CTNND2: variants seen among roughly 807,000 people sequenced by gnomAD.
CTNND2 encodes catenin delta 2.
CTNND2 carries 22 observed loss-of-function variants against 144.4 expected under a neutral mutation model. That is an observed-to-expected ratio of 0.15 (90% CI 0.11 to 0.22). CTNND2 has a LOEUF of 0.22. Ranked by LOEUF, CTNND2 falls within the 10% of genes least tolerant of loss-of-function variation. CTNND2 has a pLI of 1.00. For missense variants in CTNND2, 1,353 were observed against 1,618.8 expected (o/e 0.84, Z 2.82); for synonymous variants, 751 against 695.6 (o/e 1.08, Z -1.25).
chr5:11,636,273 G>T (rs562929101), intron 2 of CTNND2, among the ~76,000 whole-genome samples: 2 of 151,990 alleles, frequency 1.3e-5, no homozygotes, highest in African/African-American at 4.8e-5. Context: ...ACCTCTGCCC[G>T]CTCCAGAATC....
chr5:11,603,493 AC>A (rs1779905838), intron 2 of CTNND2, among the ~76,000 whole-genome samples: 1 of 152,250 alleles, frequency 6.6e-6, no homozygotes, highest in Non-Finnish European at 1.5e-5. Flanking sequence ...ATCCAAGATT[AC>A]CCTGCCACAT....
At chr5:11,476,784 C>G (rs1254180948) in intron 3 of CTNND2, among the ~76,000 whole-genome samples, 1 of 152,196 alleles carries the variant, frequency 6.6e-6, no homozygotes, top group Non-Finnish European at 1.5e-5. Flanking sequence ...TTTTAACACT[C>G]CTTACAAAAA....
intron 12 of CTNND2, among the ~76,000 whole-genome samples, chr5:11,142,043 C>T (rs932007080): frequency 2.0e-5 from 3 of 152,106 alleles, no homozygotes; most frequent in Non-Finnish European, 4.4e-5. Flanking sequence ...AACCATGATG[C>T]AGCAAGAAGG....
At chr5:11,265,698 A>ATTTTTTT (rs5865929) in intron 9 of CTNND2, among the ~76,000 whole-genome samples, 74 of 77,416 alleles carry the variant, frequency 9.6e-4, no homozygotes, top group Non-Finnish European at 1.3e-3. Flanking sequence ...TGTATTCTCT[A>ATTTTTTT]TTTTTTTTTT....
chr5:11,673,294 C>T (rs1192742714), intron 2 of CTNND2, among the ~76,000 whole-genome samples: 1 of 152,166 alleles, frequency 6.6e-6, no homozygotes, highest in African/African-American at 2.4e-5. Context: ...TAGATTTTCA[C>T]TTCCTATAGT....
rs1468339436 is a variant in CTNND2, at chr5:11,082,741, C to T, written c.2743G>A (p.Ala915Thr). 2 of 1,614,204 alleles carry T rather than the reference C, an allele frequency of 1.2e-6. No homozygotes were observed. Among genetic ancestry groups the T allele is most frequent in the South Asian group, 2.2e-5 (2 of 91,084 alleles). ...ACGTCCAAGGCCATGTTCCGCAGCGCAGTGGCCACCGCGCACACCACACGG... is the reference window on the plus strand; with the variant it reads ...ACGTCCAAGGCCATGTTCCGCAGCGTAGTGGCCACCGCGCACACCACACGG... ...NDRVVCAVAT[A>T]LRNMALDVRN... The change falls in exon 16 of 22, where the codon GCG (alanine) becomes ACG (threonine). Residue 915 changes from alanine to threonine, a missense_variant. Coordinates refer to ENST00000304623, the MANE Select transcript of CTNND2 (RefSeq NM_001332.4).
chr5:11,460,871 G>A lies in CTNND2; in HGVS notation c.288-48802C>T, dbSNP rs1386019938. On this transcript the variant is annotated intron_variant, in intron 3 of 21. Coordinates refer to ENST00000304623, the MANE Select transcript of CTNND2 (RefSeq NM_001332.4). ...TCAAGACCATACTGACCAACATGGC[G>A]AAACCAGTCTCTACTAAAAATACAA... 4.6e-5 allele frequency among the ~76,000 whole-genome samples: 7 copies of A among 152,014 alleles called. No homozygotes were observed. The South Asian group carries it at 6.2e-4, about 14-fold the overall frequency.
At chr5:11,111,377 C>T (rs1280173404) in intron 13 of CTNND2, among the ~76,000 whole-genome samples, 1 of 152,188 alleles carries the variant, frequency 6.6e-6, no homozygotes, top group African/African-American at 2.4e-5. Flanking sequence ...GACAGCGCCC[C>T]ACCTCTGACT....
At chr5:10,990,471 C>G (rs1318179800) in intron 19 of CTNND2, among the ~76,000 whole-genome samples, 2 of 152,198 alleles carry the variant, frequency 1.3e-5, no homozygotes, top group Non-Finnish European at 2.9e-5. Context: ...CTTTGGTTCA[C>G]CATCTTTCTC....
intron 10 of CTNND2, among the ~76,000 whole-genome samples, chr5:11,203,311 C>A (rs1298887670): frequency 1.3e-5 from 2 of 152,150 alleles, no homozygotes; most frequent in Non-Finnish European, 2.9e-5. Context: ...CCAATTTATC[C>A]CCCTAGTCGA....
At position 11,235,787 on chromosome 5, in the gene CTNND2, A is replaced by G. The variant is rs191675215; in HGVS notation, c.1761+904T>C. ...ATGTTCTTTGCAGTCCCAGGGGAAG[A>G]GAGATGGAAAAAATAAAAAGCCATG... is the stretch of plus-strand genomic sequence containing the variant. On this transcript the variant is annotated intron_variant, in intron 10 of 21. Coordinates refer to ENST00000304623, the MANE Select transcript of CTNND2 (RefSeq NM_001332.4). Among the ~76,000 whole-genome samples the G allele has an allele frequency of 4.4e-3, 670 of 152,358 alleles. 4 individuals are homozygous for G. Among genetic ancestry groups the G allele is most frequent in the African/African-American group, 0.015 (642 of 41,582 alleles).
chr5:11,249,362 A>G (rs1478475816), intron 9 of CTNND2, among the ~76,000 whole-genome samples: 1 of 152,202 alleles, frequency 6.6e-6, no homozygotes, highest in Admixed American at 6.5e-5. Flanking sequence ...ACATATCAGT[A>G]AGAGGGCGTT....
rs77265620 is a variant in CTNND2 at position 11,353,086 on chromosome 5, C to T, written c.1373-6459G>A. ...TCTTTTTTTTTTTTTTTTTTTTAAC[C>T]ATTCCAAGCACGTTTTCAGCCATCA... On this transcript the variant is annotated intron_variant, in intron 8 of 21. Transcript: ENST00000304623. 1.6e-3 allele frequency among the ~76,000 whole-genome samples: 227 copies of T among 140,786 alleles called. 10 individuals are homozygous for T. The East Asian group carries it at 0.044, about 27-fold the overall frequency. 92.4% of individuals were successfully genotyped at this position (140,786 alleles called of 152,430 possible).
chr5:11,438,348 C>G (rs1763953772), intron 3 of CTNND2, among the ~76,000 whole-genome samples: 1 of 152,126 alleles, frequency 6.6e-6, no homozygotes, highest in Non-Finnish European at 1.5e-5. Context: ...TCAATGTCAA[C>G]AATACAAGCA....
chr5:11,429,793 T>A (rs1763111738), intron 3 of CTNND2, among the ~76,000 whole-genome samples: 1 of 152,036 alleles, frequency 6.6e-6, no homozygotes, highest in East Asian at 1.9e-4. Flanking sequence ...GCAAGCGGGT[T>A]CTCGCACCCC....
At chr5:11,058,295 C>A (rs1317525783) in intron 16 of CTNND2, among the ~76,000 whole-genome samples, 1 of 152,206 alleles carries the variant, frequency 6.6e-6, no homozygotes, top group Non-Finnish European at 1.5e-5. Context: ...ATTTCCTGGG[C>A]TGGGTCCAGG....
chr5:10,978,085 G>C (rs1736728999), intron 21 of CTNND2, among the ~76,000 whole-genome samples: 1 of 152,210 alleles, frequency 6.6e-6, no homozygotes, highest in African/African-American at 2.4e-5. Flanking sequence ...CCACCCGGGA[G>C]ACAGGAGCGC....
At chr5:11,118,043 G>A (rs1753738991) in intron 12 of CTNND2, among the ~76,000 whole-genome samples, 1 of 152,216 alleles carries the variant, frequency 6.6e-6, no homozygotes, top group Admixed American at 6.5e-5. Context: ...TTCATTCTAA[G>A]GACATAGTTA....
At chr5:11,198,427 C>T (rs530986780) in intron 11 of CTNND2, among the ~76,000 whole-genome samples, 8 of 152,182 alleles carry the variant, frequency 5.3e-5, no homozygotes, top group South Asian at 2.1e-4. Flanking sequence ...AGAAAATATA[C>T]GAAAGTTGGG....
Sources: allele counts gnomAD v4.1 joint callset (sites outside exome capture counted in the v4.1 genomes callset), GRCh38; gene constraint gnomAD v4.1.1; transcripts MANE v1.5; gene names NCBI Gene and HGNC (gene_info 2026-07-23, HGNC 2026-07-21).